The following RGS8 variants were observed in gnomAD, a reference collection of about 807,000 sequenced individuals.
RGS8 encodes the protein regulator of G protein signaling 8.
In RGS8, 8 loss-of-function variants were observed where a neutral mutation model predicts 21.7. The ratio of observed to expected loss-of-function variants is 0.37; its 90% CI spans 0.22 to 0.66. The LOEUF (loss-of-function observed/expected upper bound fraction) is 0.66. Among genes scored for constraint, RGS8 ranks in the 30% least tolerant of loss-of-function variants. RGS8 has a pLI of 0.59. For synonymous variants in RGS8, 80 were observed against 83.6 expected (o/e 0.96, Z 0.24); for missense variants, 157 against 217.9 (o/e 0.72, Z 1.76).
At chr1:182,711,876 T>G in the RGS8 span, among the ~76,000 whole-genome samples, 1 of 152,216 alleles carries the variant, frequency 6.6e-6, no homozygotes, top group Non-Finnish European at 1.5e-5. Context: ...CTCCTTTGCT[T>G]TCCACCATCC....
At chr1:182,711,235 C>A in the RGS8 span, among the ~76,000 whole-genome samples, 13 of 152,330 alleles carry the variant, frequency 8.5e-5, no homozygotes, top group East Asian at 3.9e-4. Flanking sequence ...GAAAACACTA[C>A]TTCTGGCAAG....
At chr1:182,700,235 C>CCT in the RGS8 span, among the ~76,000 whole-genome samples, 1 of 152,212 alleles carries the variant, frequency 6.6e-6, no homozygotes, top group Non-Finnish European at 1.5e-5. Context: ...CAAAGCTACT[C>CCT]TCAAAGGCTT....
chr1:182,671,517 A>G (rs1235664692), intron 2 of RGS8, 140 bp downstream of exon 3: 1 of 698,564 alleles, frequency 1.4e-6, no homozygotes, highest in Non-Finnish European at 2.5e-6. Flanking sequence ...AGATTTACAA[A>G]GAGGGGGAGA....
chr1:182,667,132 G>C (rs1218604930), intron 3 of RGS8, among the ~76,000 whole-genome samples, 159 bp from the exon 5 acceptor site: 7 of 152,200 alleles, frequency 4.6e-5, no homozygotes, highest in Non-Finnish European at 1.0e-4. Context: ...AGACCACCTA[G>C]AGAATCAATA....
At chr1:182,729,585 TC>T in the RGS8 span, among the ~76,000 whole-genome samples, 3 of 152,142 alleles carry the variant, frequency 2.0e-5, no homozygotes, top group African/African-American at 7.2e-5. Context: ...AAATATAGGG[TC>T]CTTCCTTGCT....
chr1:182,750,648 C>T, the RGS8 span, among the ~76,000 whole-genome samples: 1 of 152,234 alleles, frequency 6.6e-6, no homozygotes, highest in South Asian at 2.1e-4. Context: ...TTAAAAACAA[C>T]CAATAAATGT....
intron 2 of RGS8, 47 bp downstream of exon 3, chr1:182,671,610 A>G (rs1473109993): frequency 2.6e-6 from 4 of 1,533,972 alleles, no homozygotes; most frequent in Non-Finnish European, 3.6e-6. Context: ...CAATCGGTGC[A>G]CACAGACACC....
chr1:182,728,638 A>G, the RGS8 span, among the ~76,000 whole-genome samples: 1 of 152,238 alleles, frequency 6.6e-6, no homozygotes, highest in Non-Finnish European at 1.5e-5. Flanking sequence ...GAGAAAATTT[A>G]ATAGTATTCT....
chr1:182,741,352 CG>C, the RGS8 span, among the ~76,000 whole-genome samples: 7 of 95,824 alleles, frequency 7.3e-5, no homozygotes, highest in African/African-American at 1.7e-4. Context: ...GCTGGCCGGG[CG>C]GGGGGGCTGA....
At chr1:182,673,243 A>G (rs1288789445), upstream of RGS8, among the ~76,000 whole-genome samples, 5 of 152,176 alleles carry the variant, frequency 3.3e-5, no homozygotes, top group African/African-American at 1.2e-4. Context: ...GATTTTTTAA[A>G]CCTTTTTAAA....
At chr1:182,647,324 G>A (rs935710783) in intron 6 of RGS8, among the ~76,000 whole-genome samples, 1 of 152,174 alleles carries the variant, frequency 6.6e-6, no homozygotes, top group Non-Finnish European at 1.5e-5. Flanking sequence ...CTCCTTTCTT[G>A]TCTACTAAGG....
At chr1:182,674,113 T>A (rs1042802224), upstream of RGS8, among the ~76,000 whole-genome samples, 1 of 152,188 alleles carries the variant, frequency 6.6e-6, no homozygotes, top group African/African-American at 2.4e-5. Context: ...ACAAAGGTAG[T>A]GCCATCATAG....
At chr1:182,702,309 C>T in the RGS8 span, among the ~76,000 whole-genome samples, 2 of 152,124 alleles carry the variant, frequency 1.3e-5, no homozygotes, top group Non-Finnish European at 2.9e-5. Context: ...AACCCAGGAA[C>T]AGGCAACCAA....
chr1:182,704,176 T>C, the RGS8 span, among the ~76,000 whole-genome samples: 1 of 152,248 alleles, frequency 6.6e-6, no homozygotes, highest in Non-Finnish European at 1.5e-5. Context: ...TAACTGTAAT[T>C]TTCTGTGCTT....
the RGS8 span, among the ~76,000 whole-genome samples, chr1:182,738,352 A>G: frequency 6.6e-6 from 1 of 152,240 alleles, no homozygotes; most frequent in East Asian, 1.9e-4. Context: ...ATAATACTTT[A>G]TGACATATGT....
chr1:182,679,911 C>T (rs998812317), intron 1 of RGS8, among the ~76,000 whole-genome samples: 2 of 152,170 alleles, frequency 1.3e-5, no homozygotes, highest in African/African-American at 4.8e-5. Context: ...TACTGAGTAA[C>T]TCAAGCCAGA....
chr1:182,656,522 G>A (rs1663286293), intron 5 of RGS8, among the ~76,000 whole-genome samples: 1 of 152,220 alleles, frequency 6.6e-6, no homozygotes, highest in Admixed American at 6.5e-5. Flanking sequence ...TGAAGTGTGA[G>A]CAGAAAGGCA....
exon 3 of RGS8, chr1:182,669,678 G>A: frequency 6.2e-7 from 1 of 1,614,178 alleles, no homozygotes; most frequent in East Asian, 2.2e-5. Context: ...TTAACCCTTG[G>A]GCTGGTATGC....
the RGS8 span, among the ~76,000 whole-genome samples, chr1:182,741,314 A>ACC: frequency 6.7e-4 from 65 of 97,502 alleles, 3 homozygotes; most frequent in African/African-American, 5.2e-4. Context: ...TGGGGGGCTG[A>ACC]CCCCCCACCT....
Sources: allele counts gnomAD v4.1 joint callset (sites outside exome capture counted in the v4.1 genomes callset), GRCh38; gene constraint gnomAD v4.1.1; transcripts MANE v1.5; gene names NCBI Gene and HGNC (gene_info 2026-07-23, HGNC 2026-07-21).